The following SHCBP1 variants were observed in gnomAD, a reference collection of about 807,000 sequenced individuals.
SHCBP1 encodes SHC binding and spindle associated 1, also known as SHC SH2 domain-binding protein 1.
A neutral mutation model predicts 75.1 loss-of-function variants in SHCBP1; 60 were observed. The ratio of observed to expected loss-of-function variants is 0.80; its 90% confidence interval spans 0.65 to 0.99. SHCBP1 has a LOEUF of 0.99. Ranked by LOEUF, SHCBP1 falls within the 50% of genes least tolerant of loss-of-function variation. SHCBP1 has a pLI of 0.00. For synonymous variants in SHCBP1, 290 were observed against 293.2 expected (o/e 0.99, Z 0.11); for missense variants, 709 against 809.4 (o/e 0.88, Z 1.50).
chr16:46,581,687 G>A lies in SHCBP1; in HGVS notation c.*42C>T. The A allele has an allele frequency of 6.5e-7, 1 of 1,528,658 alleles. No individual in the cohort carries two copies. The highest frequency in any genetic ancestry group is 9.0e-7 in the Non-Finnish European group (1 of 1,116,580). The allele number at this position is 1,528,658 out of a possible 1,614,324, so 94.7% of individuals were successfully genotyped here. A position where few individuals can be genotyped will look rare whatever the true frequency, so the allele number is the denominator to read the frequency against. Reference sequence around the variant, plus strand: ...GCAGCAGTGATTCTTAGGGCAGCATGTGCAAAATCCAGTATTTTGCTATCT... The same window carrying A: ...GCAGCAGTGATTCTTAGGGCAGCATATGCAAAATCCAGTATTTTGCTATCT... On this transcript the variant is annotated 3_prime_UTR_variant, in exon 13 of 13. Transcript: ENST00000303383.
chr16:46,621,361 T>C lies in SHCBP1; in HGVS notation c.-2A>G, dbSNP rs764346164. ...GCCCGTCAGCGACCCGTCAGCCATT[T>C]CAAATTTCCGCGGACGGCAGCCCAG... On this transcript the variant is annotated 5_prime_UTR_variant, in exon 1 of 13. Transcript: ENST00000303383. 3 of 1,610,632 alleles carry C rather than the reference T, an allele frequency of 1.9e-6. No individual in the cohort carries two copies. The highest frequency in any genetic ancestry group is 2.5e-6 in the Non-Finnish European group (3 of 1,178,582).
In SHCBP1 at chr16:46,581,450, T is replaced by C. The variant is rs1054722; in HGVS notation, c.*279A>G. On this transcript the variant is annotated 3_prime_UTR_variant, in exon 13 of 13. Coordinates refer to ENST00000303383, the MANE Select transcript of SHCBP1 (RefSeq NM_024745.5). Reference sequence around the variant, plus strand: ...AAAGGTAATTACACTAAAAAGTTACTACCAGGCTTAATATGAGAGAACCAT... The same window carrying C: ...AAAGGTAATTACACTAAAAAGTTACCACCAGGCTTAATATGAGAGAACCAT... 336,628 of 348,682 alleles carry C rather than the reference T, an allele frequency of 0.97. 163,333 individuals are homozygous for C. The highest frequency in any genetic ancestry group is 1 in the East Asian group (16,627 of 16,628). 21.6% of individuals were successfully genotyped at this position (348,682 alleles called of 1,614,324 possible). A position where few individuals can be genotyped will look rare whatever the true frequency, so the allele number is the denominator to read the frequency against.
In SHCBP1 at chr16:46,604,421, T is replaced by A; in HGVS notation, c.730A>T (p.Ile244Phe). ...ILEDRVPSGL[I>F]VDYHNLLSQC... is the part of the protein sequence containing the mutation. ...GACAACAGATTGTGGTAGTCAACAA[T>A]AAGTCCTGATGGAACTCGGTCTTCA... is the stretch of plus-strand genomic sequence containing the variant. Residue 244 changes from isoleucine to phenylalanine, a missense_variant, in exon 6 of 13, where the codon ATT becomes TTT. Coordinates refer to ENST00000303383, the MANE Select transcript of SHCBP1 (RefSeq NM_024745.5). 1 of 1,614,042 alleles carries A rather than the reference T, an allele frequency of 6.2e-7. No homozygotes were observed. Among genetic ancestry groups the A allele is most frequent in the African/African-American group, 1.3e-5 (1 of 75,074 alleles).
chr16:46,595,644 C>A lies in SHCBP1; in HGVS notation c.1372G>T (p.Glu458Ter). ...LIVHRGKTTLENCVLQCETTG... is the reference protein window; with the variant it reads ...LIVHRGKTTL ...GTCTCACACTGCAGCACACAGTTTT[C>A]CAGCGTAGTCTTACCACGGTGAACA... is the stretch of plus-strand genomic sequence containing the variant. The change falls in exon 10 of 13, where the codon GAA (glutamate) becomes TAA (stop). Residue 458 changes from glutamate (E) to a stop codon, truncating the protein, a stop_gained. Transcript: ENST00000303383. LOFTEE classifies it high-confidence loss of function. The A allele has an allele frequency of 6.2e-7, 1 of 1,614,068 alleles. No individual in the cohort carries two copies. Among genetic ancestry groups the A allele is most frequent in the East Asian group, 2.2e-5 (1 of 44,888 alleles).
chr16:46,610,277 T>C (rs1387554237), intron 4 of SHCBP1, among the ~76,000 whole-genome samples: 1 of 152,130 alleles, frequency 6.6e-6, no homozygotes, highest in Non-Finnish European at 1.5e-5. Flanking sequence ...AGTATGTATC[T>C]CTAAAATAAA....
intron 10 of SHCBP1, among the ~76,000 whole-genome samples, chr16:46,591,301 G>T (rs1422289348): frequency 6.6e-6 from 1 of 152,006 alleles, no homozygotes; most frequent in African/African-American, 2.4e-5. Context: ...ATGTACCCTA[G>T]AACTTAAAGT....
chr16:46,597,991 T>C (rs917886209), intron 9 of SHCBP1, among the ~76,000 whole-genome samples: 3 of 152,216 alleles, frequency 2.0e-5, no homozygotes, highest in African/African-American at 7.2e-5. Context: ...TGTTATAAGA[T>C]TGTAGCAATT....
rs371210534 is a variant in SHCBP1, at chr16:46,603,503, C to T, written c.1213+36G>A. 511 of 1,612,762 alleles carry T rather than the reference C, an allele frequency of 3.2e-4. 1 individual carries two copies. Among genetic ancestry groups the T allele is most frequent in the Non-Finnish European group, 4.0e-4 (473 of 1,179,348 alleles). ...ATTTATTGTTTACTTAAACATATCA[C>T]GTGTGAGAGTTTGGTTGTGTGTCTT... is the stretch of plus-strand genomic sequence containing the variant. On this transcript the variant is annotated intron_variant, in intron 8 of 12. Coordinates refer to ENST00000303383, the MANE Select transcript of SHCBP1 (RefSeq NM_024745.5).
In SHCBP1 at chr16:46,616,274, A is replaced by G. The variant is rs760810868; in HGVS notation, c.388-120T>C. 83 of 953,986 alleles carry G rather than the reference A, an allele frequency of 8.7e-5. 1 individual carries two copies. Among genetic ancestry groups the G allele is most frequent in the Non-Finnish European group, 1.0e-4 (63 of 630,462 alleles). The allele number at this position is 953,986 out of a possible 1,614,324, so 59.1% of individuals were successfully genotyped here. A position where few individuals can be genotyped will look rare whatever the true frequency, so the allele number is the denominator to read the frequency against. On this transcript the variant is annotated intron_variant, in intron 3 of 12. Coordinates refer to ENST00000303383, the MANE Select transcript of SHCBP1 (RefSeq NM_024745.5). This position sits in a 1 kb window ranked among gnomAD's most constrained non-coding sequence, Gnocchi z 4.4. ...CAACATGGGTGGGGAGGCTTTACCC[A>G]TAATATAAAGGATGAACAAGACAGG...
At chr16:46,608,832 C>T (rs1965364057) in intron 4 of SHCBP1, among the ~76,000 whole-genome samples, 1 of 152,072 alleles carries the variant, frequency 6.6e-6, no homozygotes, top group African/African-American at 2.4e-5. Context: ...AACTCCTGAC[C>T]TCATGATTCA....
chr16:46,588,693 C>CA (rs1250356067), intron 10 of SHCBP1, among the ~76,000 whole-genome samples: 1 of 152,072 alleles, frequency 6.6e-6, no homozygotes, highest in Non-Finnish European at 1.5e-5. Flanking sequence ...GCCTACCAAT[C>CA]AAAAAAAGTC....
Position 46,579,677 on chromosome 16 carries a change from G to A in SHCBP1, c.*2052C>T, listed in dbSNP as rs756664450. 1.1e-4 allele frequency among the ~76,000 whole-genome samples: 17 copies of A among 151,674 alleles called. No homozygotes were observed. The highest frequency in any genetic ancestry group is 2.1e-4 in the Non-Finnish European group (14 of 67,944). ...AAGGCCAGGCACGTGGCTCATGCCT[G>A]TAATCCCAGCACTTTGGGAGGCCAA... is the stretch of plus-strand genomic sequence containing the variant. On this transcript the variant is annotated 3_prime_UTR_variant, in exon 13 of 13. Transcript: ENST00000303383.
intron 4 of SHCBP1, among the ~76,000 whole-genome samples, chr16:46,612,178 G>T (rs564889641): frequency 6.6e-6 from 1 of 152,266 alleles, no homozygotes; most frequent in South Asian, 2.1e-4. Context: ...AAGAAGATGG[G>T]AATGATCAAA....
intron 8 of SHCBP1, among the ~76,000 whole-genome samples, chr16:46,601,405 G>A (rs1463180601): frequency 1.3e-5 from 2 of 152,184 alleles, no homozygotes; most frequent in Non-Finnish European, 2.9e-5. Context: ...AAAAACTAGA[G>A]TATCAGAAAA....
At chr16:46,608,449 G>C in intron 4 of SHCBP1, 60 bp from the exon 5 acceptor site, 1 of 1,108,282 alleles carries the variant, frequency 9.0e-7, no homozygotes, top group Non-Finnish European at 1.4e-6. Context: ...TAGGATTTTG[G>C]AGGGGTGAGA....
intron 9 of SHCBP1, among the ~76,000 whole-genome samples, chr16:46,598,205 A>G (rs1257833294): frequency 6.6e-6 from 1 of 152,198 alleles, no homozygotes; most frequent in African/African-American, 2.4e-5. Context: ...GACATCTAGA[A>G]TGATGACTCC....
At position 46,581,684 on chromosome 16, in the gene SHCBP1, C is replaced by A; in HGVS notation, c.*45G>T. 6.6e-7 allele frequency: 1 copy of A among 1,518,402 alleles called. No homozygotes were observed. Among genetic ancestry groups the A allele is most frequent in the Non-Finnish European group, 9.0e-7 (1 of 1,108,900 alleles). 94.1% of individuals were successfully genotyped at this position (1,518,402 alleles called of 1,614,324 possible). ...ATGGCAGCAGTGATTCTTAGGGCAG[C>A]ATGTGCAAAATCCAGTATTTTGCTA... On this transcript the variant is annotated 3_prime_UTR_variant, in exon 13 of 13. Transcript: ENST00000303383.
At chr16:46,590,848 C>T (rs1417351795) in intron 10 of SHCBP1, among the ~76,000 whole-genome samples, 1 of 152,152 alleles carries the variant, frequency 6.6e-6, no homozygotes, top group African/African-American at 2.4e-5. Context: ...AATCATGCTG[C>T]TATAAAGACA....
intron 10 of SHCBP1, among the ~76,000 whole-genome samples, chr16:46,584,898 T>C (rs1596668708): frequency 6.6e-6 from 1 of 152,192 alleles, no homozygotes; most frequent in East Asian, 1.9e-4. Context: ...ATCTAATGCA[T>C]GTATGTTCAG....
Sources: allele counts gnomAD v4.1 joint callset (sites outside exome capture counted in the v4.1 genomes callset), GRCh38; gene constraint gnomAD v4.1.1; non-coding constraint Gnocchi (gnomAD v3.1); transcripts MANE v1.5; gene names NCBI Gene and HGNC (gene_info 2026-07-23, HGNC 2026-07-21).